Variants in ASPA observed in about 807,000 individuals in gnomAD.
ASPA encodes ACY-2.
A neutral mutation model predicts 29.6 loss-of-function variants in ASPA; 25 were observed. That is an observed-to-expected ratio of 0.85 (90% CI 0.62 to 1.18). ASPA has a LOEUF of 1.18. ASPA is among the 50% of genes most tolerant of loss of function. The probability of loss-of-function intolerance (pLI) is 0.00; values close to 1 mark genes in which losing one functional copy is unlikely to be tolerated. For synonymous variants in ASPA, 131 were observed against 130.3 expected, an observed-to-expected ratio of 1.01 and a Z score of -0.04; for missense variants, 333 against 385.7, an observed-to-expected ratio of 0.86 and a Z score of 1.14.
In ASPA at chr17:3,500,798, C is replaced by T. The variant is rs1306432449; in HGVS notation, c.*1710C>T. 1.3e-5 allele frequency: 2 copies of T among 152,380 alleles called. No individual in the cohort carries two copies. The highest frequency in any genetic ancestry group is 3.8e-4 in the East Asian group (2 of 5,210). 9.4% of individuals were successfully genotyped at this position (152,380 alleles called of 1,614,324 possible). On this transcript the variant is annotated 3_prime_UTR_variant, in exon 6 of 6. Transcript: ENST00000263080. ...GGATTACAGGCATGAGCCACCACGC[C>T]CGGCCCAAAAATCGTAGGACTCTGA...
rs1254935744 is a variant in ASPA at position 3,498,926 on chromosome 17, CAT to C, written c.781_782del (p.Met261ValfsTer5). On this transcript the variant is annotated frameshift_variant, in exon 6 of 6. Transcript: ENST00000263080. LOFTEE classifies it high-confidence loss of function. Reference protein sequence around the residue: ...DWKPLHPGDPMFLTLDGKTIP... With the variant: ...DWKPLHPGDPXFLTLDGKTIP... Reference sequence around the variant, plus strand: ...GGAAACCACTGCATCCTGGGGATCCCATGTTTTTAACTCTTGATGGGAAGACG... The same window carrying C: ...GGAAACCACTGCATCCTGGGGATCCCGTTTTTAACTCTTGATGGGAAGACG... 1 of 1,607,430 alleles carries C rather than the reference CAT, an allele frequency of 6.2e-7. No individual in the cohort carries two copies. The highest frequency in any genetic ancestry group is 8.5e-7 in the Non-Finnish European group (1 of 1,175,968).
chr17:3,491,877 C>CTTTTTTTTTTTT (rs540965896), intron 4 of ASPA, among the ~76,000 whole-genome samples: 113 of 122,976 alleles, frequency 9.2e-4, no homozygotes, highest in East Asian at 1.7e-3. Context: ...CTTTTGTTTT[C>CTTTTTTTTTTTT]TTTTTTTTTT....
rs116109217 is a variant in ASPA, at chr17:3,502,093, C to A, written c.*3005C>A. On this transcript the variant is annotated 3_prime_UTR_variant, in exon 6 of 6. Coordinates refer to ENST00000263080, the MANE Select transcript of ASPA (RefSeq NM_000049.4). Reference sequence around the variant, plus strand: ...GTTGTTTTATTTTAAGAAATTGTCACGGCCATCCCAACCCTCAGTGCCCAA... The same window carrying A: ...GTTGTTTTATTTTAAGAAATTGTCAAGGCCATCCCAACCCTCAGTGCCCAA... 87 of 152,306 alleles carry A rather than the reference C, an allele frequency of 5.7e-4. No homozygotes were observed. The highest frequency in any genetic ancestry group is 2.0e-3 in the African/African-American group (84 of 41,516). The allele number at this position is 152,306 out of a possible 1,614,324, so 9.4% of individuals were successfully genotyped here.
At chr17:3,477,744 G>A (rs983069588) in intron 1 of ASPA, among the ~76,000 whole-genome samples, 4 of 151,970 alleles carry the variant, frequency 2.6e-5, no homozygotes, top group Admixed American at 6.6e-5. Context: ...ATGAGCCACC[G>A]CGCTGGGCCG....
chr17:3,478,101 C>T (rs533111490), intron 1 of ASPA, among the ~76,000 whole-genome samples: 5 of 152,138 alleles, frequency 3.3e-5, no homozygotes, highest in East Asian at 1.9e-4. Flanking sequence ...AGGAGAATGG[C>T]GTGAACCTGG....
In ASPA at chr17:3,481,691, T is replaced by C; in HGVS notation, c.325T>C (p.Tyr109His). 1 of 1,613,854 alleles carries C rather than the reference T, an allele frequency of 6.2e-7. No individual in the cohort carries two copies. Among genetic ancestry groups the C allele is most frequent in the Non-Finnish European group, 8.5e-7 (1 of 1,179,858 alleles). ...TGGTCCAAAAGACAGTGAAGATTCCTATGACATTATTTTTGACCTTCACAA... is the reference window on the plus strand; with the variant it reads ...TGGTCCAAAAGACAGTGAAGATTCCCATGACATTATTTTTGACCTTCACAA... ...LFGPKDSEDS[Y>H]DIIFDLHNTT... Residue 109 changes from tyrosine to histidine, a missense_variant, in exon 2 of 6, where the codon TAT (tyrosine) becomes CAT (histidine). Coordinates refer to ENST00000263080, the MANE Select transcript of ASPA (RefSeq NM_000049.4).
chr17:3,493,441 G>C (rs537453768), intron 4 of ASPA, among the ~76,000 whole-genome samples: 2 of 150,990 alleles, frequency 1.3e-5, no homozygotes, highest in Non-Finnish European at 2.9e-5. Context: ...CATGCCCATA[G>C]TCCCAGCTAC....
chr17:3,484,919 C>T (rs1353426823), intron 3 of ASPA, among the ~76,000 whole-genome samples: 2 of 152,148 alleles, frequency 1.3e-5, no homozygotes, highest in African/African-American at 4.8e-5. Context: ...GTTCCCTATC[C>T]CCTTCTGCAG....
chr17:3,477,334 G>T (rs1382290343), intron 1 of ASPA, among the ~76,000 whole-genome samples: 3 of 152,132 alleles, frequency 2.0e-5, no homozygotes, highest in Non-Finnish European at 4.4e-5. Flanking sequence ...TGCATACAAC[G>T]TAAGCAGTCA....
chr17:3,487,073 C>CGTGT (rs59690349), intron 3 of ASPA, among the ~76,000 whole-genome samples: 74 of 150,878 alleles, frequency 4.9e-4, no homozygotes, highest in African/African-American at 1.6e-3. Context: ...TGTGTGTGTG[C>CGTGT]GTGTGTGTGT....
chr17:3,494,037 ATTTT>A (rs5818896), intron 4 of ASPA, among the ~76,000 whole-genome samples: 2 of 137,208 alleles, frequency 1.5e-5, no homozygotes, highest in Admixed American at 7.2e-5. Flanking sequence ...CTTTTTCCAG[ATTTT>A]TTTTTTTTTT....
chr17:3,479,860 C>T (rs545515296), intron 1 of ASPA, among the ~76,000 whole-genome samples: 71 of 151,924 alleles, frequency 4.7e-4, no homozygotes, highest in African/African-American at 1.6e-3. Flanking sequence ...TGTGGTTGAA[C>T]GGTTTAATGA....
chr17:3,486,713 T>G (rs2073728612), intron 3 of ASPA, among the ~76,000 whole-genome samples: 1 of 152,204 alleles, frequency 6.6e-6, no homozygotes, highest in East Asian at 1.9e-4. Context: ...CCAGGAGTAA[T>G]GTAATTTAAA....
rs2073989834 is a variant in ASPA, at chr17:3,501,587, A to T, written c.*2499A>T. Reference sequence around the variant, plus strand: ...GCTGTGAACACTGTTGAAATGACAAAGGATTTAGAATATTACGTAAACATA... The same window carrying T: ...GCTGTGAACACTGTTGAAATGACAATGGATTTAGAATATTACGTAAACATA... On this transcript the variant is annotated 3_prime_UTR_variant, in exon 6 of 6. Coordinates refer to ENST00000263080, the MANE Select transcript of ASPA (RefSeq NM_000049.4). The T allele has an allele frequency of 6.2e-6, 1 of 162,454 alleles. No individual in the cohort carries two copies. The highest frequency in any genetic ancestry group is 6.5e-5 in the Admixed American group (1 of 15,500). 10.1% of individuals were successfully genotyped at this position (162,454 alleles called of 1,614,324 possible). A position where few individuals can be genotyped will look rare whatever the true frequency, so the allele number is the denominator to read the frequency against.
intron 1 of ASPA, among the ~76,000 whole-genome samples, chr17:3,478,194 A>AATAT: frequency 6.6e-6 from 1 of 150,990 alleles, no homozygotes; most frequent in Non-Finnish European, 1.5e-5. Context: ...CAAAAAAAAA[A>AATAT]ATATATATAT....
Position 3,502,228 on chromosome 17 carries a change from T to C in ASPA, c.*3140T>C, listed in dbSNP as rs2073999105. ...AGCTTTTTTAGCAATAAAGCATTTT[T>C]AATGAAGGAATGTACATGTTTTAGA... On this transcript the variant is annotated 3_prime_UTR_variant, in exon 6 of 6. Coordinates refer to ENST00000263080, the MANE Select transcript of ASPA (RefSeq NM_000049.4). 1 of 152,240 alleles carries C rather than the reference T, an allele frequency of 6.6e-6. No individual in the cohort carries two copies. Among genetic ancestry groups the C allele is most frequent in the African/African-American group, 2.4e-5 (1 of 41,462 alleles). The allele number at this position is 152,240 out of a possible 1,614,324, so 9.4% of individuals were successfully genotyped here.
At chr17:3,496,958 C>T (rs372106892) in intron 5 of ASPA, among the ~76,000 whole-genome samples, 4 of 152,084 alleles carry the variant, frequency 2.6e-5, no homozygotes, top group South Asian at 2.1e-4. Flanking sequence ...CCCAGCTACT[C>T]GGGAGCCTGA....
chr17:3,481,765 T>C lies in ASPA; in HGVS notation c.399T>C (p.Asn133=). Residue 133 remains asparagine (N), a synonymous_variant, in exon 2 of 6, where the codon AAT becomes AAC. Transcript: ENST00000263080. ...CTCTTATTCTTGAGGATTCCAGGAA[T>C]AACTTTTTAATTCAGATGTTTCATT... ...GCTLILEDSR[N]NFLIQMFHYI... 1 of 1,612,320 alleles carries C rather than the reference T, an allele frequency of 6.2e-7. No homozygotes were observed. Among genetic ancestry groups the C allele is most frequent in the African/African-American group, 1.3e-5 (1 of 75,042 alleles).
rs1462556067 is a variant in ASPA at position 3,485,024 on chromosome 17, T to G, written c.526+1432T>G. On this transcript the variant is annotated intron_variant, in intron 3 of 5. Transcript: ENST00000263080. The surrounding 1 kb of genome is among the most constrained non-coding windows in gnomAD (Gnocchi z 4.4). ...ATCATCATTCACAGTAGGGTTTTGT[T>G]TTGTTTTTTTTCTGGAAAAGGGTCT... 6.6e-6 allele frequency among the ~76,000 whole-genome samples: 1 copy of G among 152,062 alleles called. No homozygotes were observed. The highest frequency in any genetic ancestry group is 1.5e-5 in the Non-Finnish European group (1 of 68,002).
Sources: allele counts gnomAD v4.1 joint callset (sites outside exome capture counted in the v4.1 genomes callset), GRCh38; gene constraint gnomAD v4.1.1; non-coding constraint Gnocchi (gnomAD v3.1); transcripts MANE v1.5; gene names NCBI Gene and HGNC (gene_info 2026-07-23, HGNC 2026-07-21).